SLC5A7: variants seen among roughly 807,000 people sequenced by gnomAD.
SLC5A7 encodes the protein solute carrier family 5 member 7, also known as high affinity choline transporter 1.
In SLC5A7, 19 loss-of-function variants were observed where a neutral mutation model predicts 55.4. That is an observed-to-expected ratio of 0.34 (90% CI 0.24 to 0.50). The LOEUF (loss-of-function observed/expected upper bound fraction) is 0.50, where lower values mean the gene tolerates loss of function less well. Ranked by LOEUF, SLC5A7 falls within the 20% of genes least tolerant of loss-of-function variation. The probability of loss-of-function intolerance (pLI) is 0.98; values close to 1 mark genes in which losing one functional copy is unlikely to be tolerated. For missense variants in SLC5A7, 506 were observed against 705.3 expected (o/e 0.72, Z 3.20); for synonymous variants, 265 against 263.7 (o/e 1.00, Z -0.05).
intron 7 of SLC5A7, among the ~76,000 whole-genome samples, chr2:108,006,876 C>T (rs1678144203): frequency 6.6e-6 from 1 of 152,070 alleles, no homozygotes; most frequent in Admixed American, 6.6e-5. Context: ...TGCTTTACAC[C>T]TTTAGTAGTT....
intron 4 of SLC5A7, among the ~76,000 whole-genome samples, chr2:107,994,069 C>G (rs371169554): frequency 6.6e-6 from 1 of 152,178 alleles, no homozygotes; most frequent in Non-Finnish European, 1.5e-5. Flanking sequence ...GAGACACAGG[C>G]TTAGATGTGT....
chr2:107,988,395 G>C, intron 2 of SLC5A7, 62 bp downstream of exon 2: 2 of 1,498,662 alleles, frequency 1.3e-6, no homozygotes, highest in Non-Finnish European at 1.8e-6. Flanking sequence ...TGAGTGTGCA[G>C]CGTGTGGCTT....
At chr2:107,990,714 T>C (rs764062061) in intron 2 of SLC5A7, among the ~76,000 whole-genome samples, 1 of 152,200 alleles carries the variant, frequency 6.6e-6, no homozygotes, top group Non-Finnish European at 1.5e-5. Context: ...TGTAGGAAAA[T>C]CTTTTTATGT....
intron 5 of SLC5A7, among the ~76,000 whole-genome samples, chr2:107,998,865 AT>A (rs1677778258): frequency 8.0e-6 from 1 of 125,108 alleles, no homozygotes; most frequent in Admixed American, 9.5e-5. Context: ...CCTCATCTTT[AT>A]TTATTTATCT....
intron 3 of SLC5A7, 96 bp from the exon 4 acceptor site, chr2:107,992,876 C>A: frequency 7.4e-7 from 1 of 1,359,256 alleles, no homozygotes; most frequent in Non-Finnish European, 1.0e-6. Flanking sequence ...TACAGGTGTT[C>A]TGGAAAATGC....
intron 5 of SLC5A7, among the ~76,000 whole-genome samples, chr2:108,000,071 C>T (rs1677822323): frequency 6.6e-6 from 1 of 152,172 alleles, no homozygotes. Flanking sequence ...TTTGAGTTTT[C>T]TCCACACATC....
chr2:107,994,597 A>G (rs1203449034), intron 4 of SLC5A7, among the ~76,000 whole-genome samples: 2 of 152,114 alleles, frequency 1.3e-5, no homozygotes, highest in Non-Finnish European at 2.9e-5. Context: ...AAAAGAAAAA[A>G]AAAGAAACAA....
intron 5 of SLC5A7, among the ~76,000 whole-genome samples, chr2:108,000,331 G>A (rs958583041): frequency 1.3e-5 from 2 of 151,894 alleles, no homozygotes; most frequent in Non-Finnish European, 2.9e-5. Flanking sequence ...TTTAATGAAT[G>A]GATATCTTTC....
intron 2 of SLC5A7, among the ~76,000 whole-genome samples, 196 bp from the exon 3 acceptor site, chr2:107,991,910 G>A (rs1333824158): frequency 6.6e-6 from 1 of 152,120 alleles, no homozygotes; most frequent in Non-Finnish European, 1.5e-5. Context: ...CATTCAACAT[G>A]TTTTCATTTC....
chr2:108,010,125 C>G (rs1558872171), intron 8 of SLC5A7, 107 bp from the exon 9 acceptor site: 1 of 1,349,844 alleles, frequency 7.4e-7, no homozygotes, highest in Non-Finnish European at 1.0e-6. Flanking sequence ...CCATTTGAAC[C>G]AGGAGAATTC....
chr2:108,007,587 TG>T (rs1678173531), intron 7 of SLC5A7, among the ~76,000 whole-genome samples: 2 of 152,138 alleles, frequency 1.3e-5, no homozygotes, highest in Non-Finnish European at 2.9e-5. Flanking sequence ...TACACATTCT[TG>T]TTTGTTATTT....
At chr2:107,999,454 C>T (rs1405111854) in intron 5 of SLC5A7, among the ~76,000 whole-genome samples, 3 of 152,240 alleles carry the variant, frequency 2.0e-5, no homozygotes, top group East Asian at 3.9e-4. Context: ...TTAAAACCCA[C>T]GGGTGCATAA....
chr2:107,994,161 T>G (rs1330359678), intron 4 of SLC5A7, among the ~76,000 whole-genome samples: 1 of 152,184 alleles, frequency 6.6e-6, no homozygotes, highest in African/African-American at 2.4e-5. Flanking sequence ...CATAAAGGTG[T>G]GCACTGCCCC....
chr2:107,988,365 C>T (rs755205082), intron 2 of SLC5A7, 32 bp downstream of exon 2: 1 of 1,580,996 alleles, frequency 6.3e-7, no homozygotes. Context: ...TCCATGCAGT[C>T]CTCCCTTCCT....
chr2:107,987,020 C>T (rs1677271185), intron 1 of SLC5A7, among the ~76,000 whole-genome samples: 1 of 152,102 alleles, frequency 6.6e-6, no homozygotes, highest in African/African-American at 2.4e-5. Flanking sequence ...CGGAGAGGAA[C>T]TTGCCTGCTT....
rs966888071 is a variant in SLC5A7, at chr2:108,013,028, T to A, written c.*2167T>A. The A allele has an allele frequency of 2.0e-5, 3 of 152,082 alleles. No homozygotes were observed. Among genetic ancestry groups the A allele is most frequent in the Non-Finnish European group, 4.4e-5 (3 of 67,996 alleles). 9.4% of individuals were successfully genotyped at this position (152,082 alleles called of 1,614,324 possible). Reference sequence around the variant, plus strand: ...GCATCAGGAAACACCTCACTCATACTGTCATATAATGCAACAGGGAGGCAT... The same window carrying A: ...GCATCAGGAAACACCTCACTCATACAGTCATATAATGCAACAGGGAGGCAT... On this transcript the variant is annotated 3_prime_UTR_variant, in exon 9 of 9. Transcript: ENST00000264047.
At chr2:107,997,240 G>T (rs1266137205) in intron 4 of SLC5A7, among the ~76,000 whole-genome samples, 2 of 152,150 alleles carry the variant, frequency 1.3e-5, no homozygotes, top group African/African-American at 4.8e-5. Context: ...TACTTTCTCT[G>T]TTTAGATATG....
chr2:107,994,999 G>T (rs1162054323), intron 4 of SLC5A7, among the ~76,000 whole-genome samples: 1 of 152,174 alleles, frequency 6.6e-6, no homozygotes, highest in African/African-American at 2.4e-5. Context: ...TTGTATATAT[G>T]TGTGTCTGTG....
intron 3 of SLC5A7, among the ~76,000 whole-genome samples, chr2:107,992,556 G>T (rs1009840893): frequency 6.6e-6 from 1 of 152,090 alleles, no homozygotes; most frequent in African/African-American, 2.4e-5. Context: ...GTTTCTTTTA[G>T]CAAGTCAAAT....
Sources: gnomAD v4.1 joint callset for allele counts (sites outside exome capture counted in the v4.1 genomes callset) on GRCh38, gnomAD v4.1.1 for gene constraint, MANE v1.5 for transcripts, NCBI Gene and HGNC (gene_info 2026-07-23, HGNC 2026-07-21) for gene names.